Variants in GALNT16 observed in about 807,000 individuals in gnomAD.
GALNT16 encodes the protein UDP-GalNAc:polypeptide N-acetylgalactosaminyltransferase-like protein 1.
In GALNT16, 40 loss-of-function variants were observed where a neutral mutation model predicts 76.1. The observed-to-expected ratio is 0.53, with a 90% CI of 0.41 to 0.68. The LOEUF (loss-of-function observed/expected upper bound fraction) is 0.68, where lower values mean the gene tolerates loss of function less well. Among genes scored for constraint, GALNT16 ranks in the 30% least tolerant of loss-of-function variants. The pLI, the probability that GALNT16 is intolerant of heterozygous loss-of-function variation, is 0.00. For missense variants in GALNT16, 621 were observed against 731.9 expected (o/e 0.85, Z 1.75); for synonymous variants, 276 against 285.2 (o/e 0.97, Z 0.32).
At chr14:69,373,631 C>G in the GALNT16 span, among the ~76,000 whole-genome samples, 5 of 152,202 alleles carry the variant, frequency 3.3e-5, no homozygotes, top group African/African-American at 1.2e-4. Context: ...CTTAGGCTTA[C>G]AAGACAAACT....
downstream of GALNT16, chr14:69,356,554 CT>C (rs763230954): frequency 9.7e-4 from 114 of 117,326 alleles, 1 homozygote; most frequent in Middle Eastern, 4.1e-3. Flanking sequence ...GCTGTGAGCT[CT>C]TTTTTTTTTT....
the GALNT16 span, among the ~76,000 whole-genome samples, chr14:69,372,119 T>TC: frequency 6.6e-6 from 1 of 152,080 alleles, no homozygotes; most frequent in East Asian, 1.9e-4. Context: ...GAGTAGGGCA[T>TC]CCCTGTGCAG....
intron 1 of GALNT16, among the ~76,000 whole-genome samples, chr14:69,265,837 G>A (rs1319830922): frequency 2.0e-5 from 3 of 152,170 alleles, no homozygotes; most frequent in Admixed American, 6.5e-5. Flanking sequence ...AAGTGGTTTA[G>A]TCCCTCTTCT....
intron 1 of GALNT16, among the ~76,000 whole-genome samples, chr14:69,294,670 G>C (rs2044731177): frequency 6.6e-6 from 1 of 152,134 alleles, no homozygotes; most frequent in Non-Finnish European, 1.5e-5. Context: ...TTGCTTTTTA[G>C]GGGAGACATT....
the GALNT16 span, among the ~76,000 whole-genome samples, chr14:69,377,763 C>A: frequency 1.7e-5 from 2 of 117,210 alleles, no homozygotes; most frequent in African/African-American, 6.7e-5. Flanking sequence ...GGCATGATTG[C>A]ACCACTGCAC....
At chr14:69,368,493 T>C in the GALNT16 span, among the ~76,000 whole-genome samples, 1 of 152,184 alleles carries the variant, frequency 6.6e-6, no homozygotes, top group Non-Finnish European at 1.5e-5. Context: ...CTGGCTACCC[T>C]TGGAACCAAC....
chr14:69,381,129 A>G, the GALNT16 span, among the ~76,000 whole-genome samples: 852 of 152,280 alleles, frequency 5.6e-3, 6 homozygotes, highest in African/African-American at 0.019. Flanking sequence ...TAAAATACAA[A>G]AATTAGCTGG....
At chr14:69,373,455 T>C in the GALNT16 span, among the ~76,000 whole-genome samples, 2 of 152,214 alleles carry the variant, frequency 1.3e-5, no homozygotes, top group African/African-American at 4.8e-5. Flanking sequence ...AAATTACCTC[T>C]GGCACAGAAA....
At position 69,333,269 on chromosome 14, in the gene GALNT16, G is replaced by A. The variant is rs773897716; in HGVS notation, c.863+100G>A. On this transcript the variant is annotated intron_variant, in intron 8 of 14. Coordinates refer to ENST00000448469, the MANE Select transcript of GALNT16 (RefSeq NM_001168368.2). This position sits in a 1 kb window ranked among gnomAD's most constrained non-coding sequence, Gnocchi z 4.2. The stretch of plus-strand genomic sequence containing the variant: ...TATCGGTCGCTTGGGCTCCTGAGGC[G>A]CACTAAGTGCTGACTCTGTTCTGGG... 3.9e-4 allele frequency: 308 copies of A among 798,854 alleles called. 1 individual carries two copies. Among genetic ancestry groups the A allele is most frequent in the Non-Finnish European group, 5.4e-4 (263 of 488,882 alleles). 49.5% of individuals were successfully genotyped at this position (798,854 alleles called of 1,614,324 possible). A position where few individuals can be genotyped will look rare whatever the true frequency, so the allele number is the denominator to read the frequency against.
chr14:69,270,210 C>T (rs941576293), intron 1 of GALNT16, among the ~76,000 whole-genome samples: 5 of 152,036 alleles, frequency 3.3e-5, no homozygotes, highest in Non-Finnish European at 5.9e-5. Flanking sequence ...GGCACTCGTG[C>T]GGGGAGTAGT....
intron 3 of GALNT16, 90 bp from the exon 4 acceptor site, chr14:69,325,247 C>T (rs8006938): frequency 7.4e-5 from 60 of 813,894 alleles, no homozygotes; most frequent in South Asian, 1.2e-4. Flanking sequence ...TGGAGCTGGG[C>T]GGCTGGGGAG....
At chr14:69,361,784 A>G (rs1267855966), downstream of GALNT16, among the ~76,000 whole-genome samples, 3 of 152,168 alleles carry the variant, frequency 2.0e-5, no homozygotes. Flanking sequence ...AGGCAGGTGG[A>G]TCACCTGAGG....
At chr14:69,338,380 G>C (rs1169930693) in intron 9 of GALNT16, among the ~76,000 whole-genome samples, 1 of 152,216 alleles carries the variant, frequency 6.6e-6, no homozygotes. Context: ...TTATGTTCTT[G>C]GTGTTCCTTC....
At chr14:69,267,126 C>T (rs1239612323) in intron 1 of GALNT16, among the ~76,000 whole-genome samples, 5 of 152,324 alleles carry the variant, frequency 3.3e-5, no homozygotes, top group East Asian at 1.9e-4. Flanking sequence ...CTGCCTGGGG[C>T]GGCGCTGGCT....
At chr14:69,325,767 G>A (rs1444651160) in intron 4 of GALNT16, among the ~76,000 whole-genome samples, 195 bp from the exon 5 acceptor site, 7 of 152,290 alleles carry the variant, frequency 4.6e-5, no homozygotes, top group African/African-American at 1.2e-4. Flanking sequence ...ACTGCCATAG[G>A]TACAGGCACT....
intron 2 of GALNT16, among the ~76,000 whole-genome samples, chr14:69,324,178 C>A (rs956350260): frequency 6.6e-6 from 1 of 151,956 alleles, no homozygotes; most frequent in Non-Finnish European, 1.5e-5. Flanking sequence ...TGCAGCAGGG[C>A]TGTCAGTGTT....
the GALNT16 span, among the ~76,000 whole-genome samples, chr14:69,363,575 T>C: frequency 1.3e-5 from 2 of 152,200 alleles, no homozygotes; most frequent in East Asian, 3.9e-4. Context: ...AAAAGAGGCA[T>C]GGTGCCCAAA....
At chr14:69,301,725 A>G (rs1177694324) in intron 1 of GALNT16, among the ~76,000 whole-genome samples, 1 of 152,190 alleles carries the variant, frequency 6.6e-6, no homozygotes, top group Non-Finnish European at 1.5e-5. Flanking sequence ...GTGGTGGCTC[A>G]CTACTGTAAT....
chr14:69,379,644 G>C, the GALNT16 span, among the ~76,000 whole-genome samples: 1 of 152,100 alleles, frequency 6.6e-6, no homozygotes, highest in East Asian at 1.9e-4. Context: ...TCCAGCTTGG[G>C]TACAGAGTGA....
Sources: allele counts gnomAD v4.1 joint callset (sites outside exome capture counted in the v4.1 genomes callset), GRCh38; gene constraint gnomAD v4.1.1; non-coding constraint Gnocchi (gnomAD v3.1); transcripts MANE v1.5; gene names NCBI Gene and HGNC (gene_info 2026-07-23, HGNC 2026-07-21).